The following KAZN variants were observed in gnomAD, a reference collection of about 807,000 sequenced individuals.
The protein encoded by KAZN is kazrin.
A neutral mutation model predicts 87.4 loss-of-function variants in KAZN; 40 were observed. The observed-to-expected ratio is 0.46, with a 90% CI of 0.36 to 0.60. KAZN has a LOEUF of 0.60. KAZN is among the 20% of genes least tolerant of loss of function. KAZN has a pLI of 0.00. For synonymous variants in KAZN, 466 were observed against 458.3 expected (o/e 1.02, Z -0.22); for missense variants, 898 against 1,073.9 (o/e 0.84, Z 2.29).
At chr1:14,591,418 A>AACACACACACACACACACACACACAC (rs36060158) in intron 2 of KAZN, among the ~76,000 whole-genome samples, 5 of 147,294 alleles carry the variant, frequency 3.4e-5, no homozygotes, top group African/African-American at 1.3e-4. Context: ...GGAAAGAAGA[A>AACACACACACACACACACACACACAC]ACACACACAC....
chr1:14,389,230 G>A (rs1452173103), intron 2 of KAZN, among the ~76,000 whole-genome samples: 1 of 152,088 alleles, frequency 6.6e-6, no homozygotes, highest in Non-Finnish European at 1.5e-5. Context: ...TTGAGAAAAA[G>A]GAACCCTCGT....
At chr1:14,644,226 G>A (rs1461385481) in intron 1 of KAZN, among the ~76,000 whole-genome samples, 1 of 151,258 alleles carries the variant, frequency 6.6e-6, no homozygotes, top group Non-Finnish European at 1.5e-5. Flanking sequence ...TGGCCAGGCT[G>A]GTCTTGAACT....
At chr1:14,507,324 G>A (rs1455603621) in intron 2 of KAZN, among the ~76,000 whole-genome samples, 1 of 152,146 alleles carries the variant, frequency 6.6e-6, no homozygotes, top group African/African-American at 2.4e-5. Flanking sequence ...AGTAGAATGG[G>A]GGCTTTGTTC....
intron 1 of KAZN, among the ~76,000 whole-genome samples, chr1:14,793,358 G>A (rs957575325): frequency 1.3e-5 from 2 of 152,058 alleles, no homozygotes; most frequent in Non-Finnish European, 2.9e-5. Context: ...TGCACGGCAC[G>A]TCCTTGTGCT....
At chr1:14,466,041 C>T (rs1004885849) in intron 2 of KAZN, among the ~76,000 whole-genome samples, 10 of 152,174 alleles carry the variant, frequency 6.6e-5, no homozygotes, top group Admixed American at 1.3e-4. Context: ...CACACACAAG[C>T]GGCTATACCA....
chr1:14,347,424 C>T (rs370500667), intron 2 of KAZN, among the ~76,000 whole-genome samples: 19 of 152,286 alleles, frequency 1.2e-4, no homozygotes, highest in East Asian at 1.9e-4. Context: ...AATGAAGACA[C>T]GCTAAAGAGT....
Position 14,337,559 on chromosome 1 carries a change from C to G in KAZN, c.249+156967C>G, listed in dbSNP as rs1657359391. On this transcript the variant is annotated intron_variant, in intron 2 of 16. Coordinates refer to the KAZN transcript ENST00000636203. The stretch of plus-strand genomic sequence containing the variant: ...ATTGTCCTCCTTTCCTCCATTGTTC[C>G]TGTTTTAATCCTGGGGCAAGTAGCT... Among the ~76,000 whole-genome samples the G allele has an allele frequency of 1.3e-5, 2 of 152,060 alleles. 1 individual carries two copies. The highest frequency in any genetic ancestry group is 4.1e-4 in the South Asian group (2 of 4,826).
At chr1:14,799,200 G>A (rs1645929335) in intron 1 of KAZN, among the ~76,000 whole-genome samples, 1 of 152,192 alleles carries the variant, frequency 6.6e-6, no homozygotes, top group Non-Finnish European at 1.5e-5. Context: ...CCCTGTTTAA[G>A]GCCCCCTCTT....
At chr1:14,329,716 C>T (rs980995459) in intron 2 of KAZN, among the ~76,000 whole-genome samples, 1 of 152,178 alleles carries the variant, frequency 6.6e-6, no homozygotes, top group African/African-American at 2.4e-5. Flanking sequence ...AGTCACTCAG[C>T]CCACTTATTT....
intron 2 of KAZN, among the ~76,000 whole-genome samples, chr1:14,503,471 A>G (rs1484878733): frequency 4.7e-5 from 7 of 150,466 alleles, no homozygotes; most frequent in Admixed American, 3.3e-4. Context: ...GCGACAGAGC[A>G]AGACTCTGTC....
At chr1:14,327,602 A>G (rs2100859230) in intron 2 of KAZN, among the ~76,000 whole-genome samples, 1 of 152,272 alleles carries the variant, frequency 6.6e-6, no homozygotes, top group African/African-American at 2.4e-5. Flanking sequence ...TTCATGCTTT[A>G]TTCTCCAAAG....
At chr1:14,465,907 C>T (rs1402769513) in intron 2 of KAZN, among the ~76,000 whole-genome samples, 3 of 152,182 alleles carry the variant, frequency 2.0e-5, no homozygotes, top group Admixed American at 2.0e-4. Flanking sequence ...GATTATAATA[C>T]TGTATTTTTT....
At chr1:14,960,655 T>C in intron 1 of KAZN, 29 bp from the exon 2 acceptor site, 1 of 1,546,068 alleles carries the variant, frequency 6.5e-7, no homozygotes, top group Non-Finnish European at 8.7e-7. Context: ...GACGTTCCTG[T>C]CCTCTAACCC....
At chr1:14,650,171 G>A (rs1157985818) in intron 1 of KAZN, among the ~76,000 whole-genome samples, 2 of 151,832 alleles carry the variant, frequency 1.3e-5, no homozygotes, top group African/African-American at 4.8e-5. Flanking sequence ...AAGGAAGTAG[G>A]CCAGCAGGTT....
intron 2 of KAZN, among the ~76,000 whole-genome samples, chr1:14,189,614 G>A (rs776774039): frequency 6.6e-6 from 1 of 152,062 alleles, no homozygotes; most frequent in Non-Finnish European, 1.5e-5. Context: ...ACCCTCCTTA[G>A]CAGGCTAACT....
intron 2 of KAZN, among the ~76,000 whole-genome samples, chr1:14,368,655 A>G (rs1370887383): frequency 6.6e-6 from 1 of 152,180 alleles, no homozygotes; most frequent in African/African-American, 2.4e-5. Flanking sequence ...CTCTGGCTCA[A>G]TCCTACCTCA....
rs114209569 is a variant in KAZN at position 14,753,719 on chromosome 1, G to A, written c.226+154496G>A. On this transcript the variant is annotated intron_variant, in intron 1 of 14. Coordinates refer to ENST00000376030, the MANE Select transcript of KAZN (RefSeq NM_201628.3). ...GGCAGGCAGAGCTGAAGGACTGCAG[G>A]CCCCTAGCCCTCCACCCATAGAGGC... is the stretch of plus-strand genomic sequence containing the variant. 6.3e-3 allele frequency among the ~76,000 whole-genome samples: 966 copies of A among 152,296 alleles called. 14 individuals carry two copies. Among genetic ancestry groups the A allele is most frequent in the African/African-American group, 0.022 (927 of 41,574 alleles).
chr1:14,254,964 T>TA (rs1650371802), intron 2 of KAZN, among the ~76,000 whole-genome samples: 2 of 151,100 alleles, frequency 1.3e-5, no homozygotes, highest in Admixed American at 1.3e-4. Context: ...CTACTAAAAA[T>TA]ACAAAAATTA....
chr1:14,136,329 C>A (rs1056630092), intron 1 of KAZN, among the ~76,000 whole-genome samples: 2 of 152,072 alleles, frequency 1.3e-5, no homozygotes, highest in African/African-American at 2.4e-5. Flanking sequence ...GCCTCAGATG[C>A]CCCCCTGTGA....
Sources: gnomAD v4.1 joint callset for allele counts (sites outside exome capture counted in the v4.1 genomes callset) on GRCh38, gnomAD v4.1.1 for gene constraint, MANE v1.5 for transcripts, NCBI Gene and HGNC (gene_info 2026-07-23, HGNC 2026-07-21) for gene names.